The following APPBP2 variants were observed in gnomAD, a reference collection of about 807,000 sequenced individuals.
APPBP2 encodes the protein amyloid protein-binding protein 2.
APPBP2 carries 15 observed loss-of-function variants against 76.0 expected under a neutral mutation model. The observed-to-expected ratio is 0.20, with a 90% CI of 0.13 to 0.30. The LOEUF is 0.30. Ranked by LOEUF, APPBP2 falls within the 10% of genes least tolerant of loss-of-function variation. The pLI is 1.00. For synonymous variants in APPBP2, 222 were observed against 242.2 expected (o/e 0.92, Z 0.77); for missense variants, 401 against 687.2 (o/e 0.58, Z 4.66).
At chr17:60,464,321 C>T (rs762221505) in intron 5 of APPBP2, among the ~76,000 whole-genome samples, 5 of 152,180 alleles carry the variant, frequency 3.3e-5, no homozygotes, top group South Asian at 4.1e-4. Context: ...CTGAATCAGA[C>T]GTTGTGGATA....
chr17:60,515,114 T>A (rs1163426694), intron 1 of APPBP2, among the ~76,000 whole-genome samples: 1 of 138,420 alleles, frequency 7.2e-6, no homozygotes, highest in East Asian at 2.7e-4. Flanking sequence ...TATTTTAAAT[T>A]TTTTTTTTTT....
intron 4 of APPBP2, among the ~76,000 whole-genome samples, chr17:60,471,001 T>C (rs1664695176): frequency 6.6e-6 from 1 of 152,084 alleles, no homozygotes; most frequent in African/African-American, 2.4e-5. Flanking sequence ...TTTATCATGT[T>C]GGCCAGACTG....
At chr17:60,520,610 T>C (rs1010599244) in intron 1 of APPBP2, among the ~76,000 whole-genome samples, 1 of 142,844 alleles carries the variant, frequency 7.0e-6, no homozygotes, top group Non-Finnish European at 1.5e-5. Context: ...GTGAAAACAA[T>C]ACATAGAACA....
In APPBP2 at chr17:60,454,343, C is replaced by T; in HGVS notation, c.1297G>A (p.Gly433Arg). Residue 433 changes from glycine (G) to arginine (R), a missense_variant, in exon 11 of 13, where the codon GGA becomes AGA. This residue lies in a region of APPBP2 where 130 missense variants were observed against 322.7 expected (regional missense o/e 0.40). Coordinates refer to ENST00000083182, the MANE Select transcript of APPBP2 (RefSeq NM_006380.5). ...EFNVQTAKHY[G>R]NLGRLYQSMR... ...GACTGATAAAGTCTTCCAAGGTTTC[C>T]ATAGTGTTTTGCAGTCTGTACATTA... 6.3e-7 allele frequency: 1 copy of T among 1,594,718 alleles called. No homozygotes were observed. The highest frequency in any genetic ancestry group is 8.5e-7 in the Non-Finnish European group (1 of 1,173,138).
chr17:60,524,122 CTAACAA>C, intron 1 of APPBP2, among the ~76,000 whole-genome samples: 1 of 152,302 alleles, frequency 6.6e-6, no homozygotes, highest in East Asian at 1.9e-4. Flanking sequence ...AACAGAAATT[CTAACAA>C]AAGCACCATC....
At chr17:60,487,209 T>G (rs960543830) in intron 3 of APPBP2, among the ~76,000 whole-genome samples, 2 of 152,208 alleles carry the variant, frequency 1.3e-5, no homozygotes, top group Admixed American at 6.5e-5. Context: ...CTTTGTGGTG[T>G]TCTCTGTATT....
At chr17:60,488,069 C>T (rs1332120592) in intron 3 of APPBP2, among the ~76,000 whole-genome samples, 1 of 152,204 alleles carries the variant, frequency 6.6e-6, no homozygotes, top group Non-Finnish European at 1.5e-5. Flanking sequence ...AATATTGCTG[C>T]CTGATCCTTC....
At chr17:60,459,513 G>A (rs1455669086) in intron 9 of APPBP2, 1 of 119,872 alleles carries the variant, frequency 8.3e-6, no homozygotes, top group Admixed American at 8.5e-5. Flanking sequence ...TTTTTTTGGA[G>A]ACAGAGTCTC....
intron 1 of APPBP2, among the ~76,000 whole-genome samples, chr17:60,509,003 A>G (rs2090890559): frequency 6.6e-6 from 1 of 152,236 alleles, no homozygotes. Context: ...ACTATAGATC[A>G]AGAGAGACTC....
At chr17:60,486,556 C>T (rs1309828076) in intron 3 of APPBP2, among the ~76,000 whole-genome samples, 1 of 152,168 alleles carries the variant, frequency 6.6e-6, no homozygotes, top group Non-Finnish European at 1.5e-5. Flanking sequence ...GTAGATCTTT[C>T]TCCATCCCTT....
chr17:60,518,540 GAC>G (rs2090983433), intron 1 of APPBP2, among the ~76,000 whole-genome samples: 2 of 152,012 alleles, frequency 1.3e-5, no homozygotes, highest in African/African-American at 4.8e-5. Flanking sequence ...AAGAGAGAGA[GAC>G]AGGGTCTCAC....
chr17:60,521,037 C>T (rs1567944699), intron 1 of APPBP2, among the ~76,000 whole-genome samples: 1 of 152,232 alleles, frequency 6.6e-6, no homozygotes, highest in Non-Finnish European at 1.5e-5. Context: ...CTCAAACCAT[C>T]TTCCTGCCTC....
rs1849343685 is a variant in APPBP2 at position 60,526,225 on chromosome 17, G to A, written c.-294C>T. 3 of 334,884 alleles carry A rather than the reference G, an allele frequency of 9.0e-6. No individual in the cohort carries two copies. Among genetic ancestry groups the A allele is most frequent in the African/African-American group, 2.1e-5 (1 of 47,080 alleles). The allele number at this position is 334,884 out of a possible 1,614,324, so 20.7% of individuals were successfully genotyped here. A position where few individuals can be genotyped will look rare whatever the true frequency, so the allele number is the denominator to read the frequency against. The stretch of plus-strand genomic sequence containing the variant: ...TCCGTCCCAGCGCTGATCTCTGCAG[G>A]GGCGGGGCTGCGTGTGCGGCGTCAT... On this transcript the variant is annotated 5_prime_UTR_variant, in exon 1 of 13. Transcript: ENST00000083182.
chr17:60,480,772 C>G (rs1428657385), intron 3 of APPBP2, among the ~76,000 whole-genome samples: 1 of 152,166 alleles, frequency 6.6e-6, no homozygotes, highest in African/African-American at 2.4e-5. Context: ...AGCAAGGACT[C>G]TGCAAACCAC....
intron 2 of APPBP2, among the ~76,000 whole-genome samples, chr17:60,496,714 TTTAC>T (rs1053658811): frequency 2.0e-5 from 3 of 151,976 alleles, no homozygotes; most frequent in Non-Finnish European, 4.4e-5. Flanking sequence ...AATCATGCTG[TTTAC>T]TTACTTATTT....
chr17:60,487,636 G>A (rs8078164), intron 3 of APPBP2, among the ~76,000 whole-genome samples: 12,517 of 152,170 alleles, frequency 0.082, 1,703 homozygotes, highest in African/African-American at 0.28. Flanking sequence ...CGATGGGTTC[G>A]AACATCCTCC....
At chr17:60,521,150 C>A (rs1029476195) in intron 1 of APPBP2, among the ~76,000 whole-genome samples, 24 of 152,110 alleles carry the variant, frequency 1.6e-4, no homozygotes, top group African/African-American at 3.9e-4. Flanking sequence ...AATGGTTGCA[C>A]GCCCTTGGAG....
chr17:60,462,879 G>A (rs1383975514), intron 6 of APPBP2, among the ~76,000 whole-genome samples: 1 of 150,864 alleles, frequency 6.6e-6, no homozygotes, highest in Non-Finnish European at 1.5e-5. Context: ...GAACCCTGGG[G>A]GGCGGAGCCT....
Position 60,498,536 on chromosome 17 carries a change from C to T in APPBP2, c.227+1863G>A, listed in dbSNP as rs557699339. Among the ~76,000 whole-genome samples, 237 of 152,160 alleles carry T rather than the reference C, an allele frequency of 1.6e-3. 1 individual carries two copies. Among genetic ancestry groups the T allele is most frequent in the Non-Finnish European group, 2.8e-3 (190 of 68,006 alleles). ...TAAAAAGTGGAAACAGCCCAAATGT[C>T]CATCAATAATAGAATGAATAATACT... On this transcript the variant is annotated intron_variant, in intron 2 of 12. Transcript: ENST00000083182.
Sources: gnomAD v4.1 joint callset for allele counts (sites outside exome capture counted in the v4.1 genomes callset) on GRCh38, gnomAD v4.1.1 for gene constraint, gnomAD v4.1.1 regional missense constraint, MANE v1.5 for transcripts, NCBI Gene and HGNC (gene_info 2026-07-23, HGNC 2026-07-21) for gene names.